The following DNAJC12 variants were observed in gnomAD, a reference collection of about 807,000 sequenced individuals.
DNAJC12 encodes the protein dnaJ homolog subfamily C member 12.
In DNAJC12, 25 loss-of-function variants were observed where a neutral mutation model predicts 28.5. The observed-to-expected ratio is 0.88, with a 90% CI of 0.64 to 1.22. The LOEUF (loss-of-function observed/expected upper bound fraction) is 1.22, where lower values mean the gene tolerates loss of function less well. DNAJC12 is among the 50% of genes most tolerant of loss of function. The pLI is 0.00. For missense variants in DNAJC12, 222 were observed against 231.7 expected, an observed-to-expected ratio of 0.96 and a Z score of 0.27; for synonymous variants, 77 against 80.6, an observed-to-expected ratio of 0.95 and a Z score of 0.24.
intron 4 of DNAJC12, among the ~76,000 whole-genome samples, chr10:67,801,877 G>A (rs563655271): frequency 4.4e-4 from 35 of 79,454 alleles, no homozygotes; most frequent in Non-Finnish European, 6.4e-4. Context: ...TTTTTGACAC[G>A]GAGACACAGG....
intron 1 of DNAJC12, among the ~76,000 whole-genome samples, chr10:67,837,459 C>T (rs572034151): frequency 7.2e-5 from 11 of 152,060 alleles, no homozygotes; most frequent in Admixed American, 1.3e-4. Flanking sequence ...GAAATATTAA[C>T]ATAAAGGGAT....
At chr10:67,825,770 T>C (rs868086274) in intron 1 of DNAJC12, among the ~76,000 whole-genome samples, 13 of 129,876 alleles carry the variant, frequency 1.0e-4, no homozygotes, top group South Asian at 5.2e-4. Flanking sequence ...AATAACTCTA[T>C]TATTTTCTTT....
In DNAJC12 at chr10:67,819,706, G is replaced by A. The variant is rs1392088726; in HGVS notation, c.157+3608C>T. Among the ~76,000 whole-genome samples the A allele has an allele frequency of 6.6e-4, 9 of 13,614 alleles. 1 individual carries two copies. The highest frequency in any genetic ancestry group is 1.7e-3 in the African/African-American group (8 of 4,808). 8.9% of individuals were successfully genotyped at this position (13,614 alleles called of 152,430 possible). A position where few individuals can be genotyped will look rare whatever the true frequency, so the allele number is the denominator to read the frequency against. On this transcript the variant is annotated intron_variant, in intron 2 of 4. Coordinates refer to ENST00000225171, the MANE Select transcript of DNAJC12 (RefSeq NM_021800.3). ...AGAAAGAAAGAAAGAAAGGAAGGAAGGAAGGAAGGAAGCAAGGAAGGAAGG... is the reference window on the plus strand; with the variant it reads ...AGAAAGAAAGAAAGAAAGGAAGGAAAGAAGGAAGGAAGCAAGGAAGGAAGG...
At chr10:67,829,266 G>A (rs912126286) in intron 1 of DNAJC12, among the ~76,000 whole-genome samples, 1 of 152,144 alleles carries the variant, frequency 6.6e-6, no homozygotes, top group African/African-American at 2.4e-5. Context: ...CTCCCACCCT[G>A]AAGCCTTAGA....
intron 2 of DNAJC12, among the ~76,000 whole-genome samples, chr10:67,822,954 C>T (rs1288782939): frequency 2.0e-5 from 3 of 151,572 alleles, no homozygotes; most frequent in African/African-American, 7.3e-5. Context: ...ATGATCGCAC[C>T]ACTGCACTCC....
At chr10:67,806,797 C>T (rs1279655662) in intron 3 of DNAJC12, among the ~76,000 whole-genome samples, 4 of 147,370 alleles carry the variant, frequency 2.7e-5, no homozygotes, top group Non-Finnish European at 4.4e-5. Context: ...TGCACTCCAG[C>T]CTGGGCAACA....
intron 1 of DNAJC12, among the ~76,000 whole-genome samples, chr10:67,831,649 G>A (rs1187841819): frequency 6.6e-6 from 1 of 152,180 alleles, no homozygotes; most frequent in African/African-American, 2.4e-5. Flanking sequence ...TGCACTTATA[G>A]ACAGTACAGA....
At chr10:67,819,535 A>G (rs985484602) in intron 2 of DNAJC12, among the ~76,000 whole-genome samples, 2 of 151,540 alleles carry the variant, frequency 1.3e-5, no homozygotes, top group African/African-American at 4.8e-5. Flanking sequence ...GCTTCTCGGG[A>G]GGCTGAGGCA....
intron 2 of DNAJC12, among the ~76,000 whole-genome samples, chr10:67,820,538 T>C (rs1841971387): frequency 6.6e-6 from 1 of 152,150 alleles, no homozygotes. Flanking sequence ...TTGACCTGGA[T>C]ATACATATGC....
intron 2 of DNAJC12, chr10:67,816,254 A>G (rs1841914870): frequency 5.1e-6 from 2 of 392,248 alleles, no homozygotes; most frequent in East Asian, 7.3e-5. Flanking sequence ...ATGTCAAAAT[A>G]TGCTTTGAAA....
chr10:67,813,535 G>A (rs1359299591), intron 2 of DNAJC12, among the ~76,000 whole-genome samples: 1 of 151,496 alleles, frequency 6.6e-6, no homozygotes, highest in Non-Finnish European at 1.5e-5. Flanking sequence ...GGATCACGAG[G>A]TCAGGAGTTC....
At chr10:67,798,758 CT>C (rs377308990) in intron 4 of DNAJC12, among the ~76,000 whole-genome samples, 10 of 132,022 alleles carry the variant, frequency 7.6e-5, no homozygotes, top group African/African-American at 2.6e-4. Context: ...TGTGATTTTC[CT>C]TTTTTTTTTT....
chr10:67,816,067 G>C (rs1841913043), intron 2 of DNAJC12: 4 of 398,454 alleles, frequency 1.0e-5, no homozygotes, highest in Non-Finnish European at 1.8e-5. Context: ...ATCTCATTTT[G>C]TAAGCTTATA....
chr10:67,833,964 G>A (rs1408743854), intron 1 of DNAJC12: 17 of 464,486 alleles, frequency 3.7e-5, no homozygotes, highest in Non-Finnish European at 4.5e-6. Context: ...ATTAATGCTA[G>A]GGGTAAGCCC....
intron 1 of DNAJC12, among the ~76,000 whole-genome samples, chr10:67,835,525 A>C (rs1321408729): frequency 6.6e-6 from 1 of 152,110 alleles, no homozygotes; most frequent in Non-Finnish European, 1.5e-5. Flanking sequence ...CCCCGTCTCT[A>C]CTAAAAATAC....
intron 2 of DNAJC12, among the ~76,000 whole-genome samples, chr10:67,814,036 C>CA (rs34125048): frequency 0.53 from 64,565 of 122,864 alleles, 18,236 homozygotes; most frequent in Non-Finnish European, 0.67. Context: ...CCAGAATTGC[C>CA]AAAAAAAAAA....
At chr10:67,832,570 T>C (rs992747244) in intron 1 of DNAJC12, among the ~76,000 whole-genome samples, 4 of 152,050 alleles carry the variant, frequency 2.6e-5, no homozygotes, top group African/African-American at 7.2e-5. Context: ...AATAAACAAA[T>C]AAATGTGGGA....
chr10:67,812,045 A>C (rs939098576), intron 2 of DNAJC12, among the ~76,000 whole-genome samples: 2 of 152,230 alleles, frequency 1.3e-5, no homozygotes, highest in East Asian at 3.8e-4. Flanking sequence ...ACAGGGCAGT[A>C]ATTAGGCAAG....
At chr10:67,808,740 G>A (rs188761778) in intron 3 of DNAJC12, 1 of 152,136 alleles carries the variant, frequency 6.6e-6, no homozygotes, top group Non-Finnish European at 1.5e-5. Context: ...ATACAAAATT[G>A]ACTGGTTATT....
Sources: gnomAD v4.1 joint callset for allele counts (sites outside exome capture counted in the v4.1 genomes callset) on GRCh38, gnomAD v4.1.1 for gene constraint, MANE v1.5 for transcripts, NCBI Gene and HGNC (gene_info 2026-07-23, HGNC 2026-07-21) for gene names.